Variants in ULK4 observed in about 807,000 individuals in gnomAD.
ULK4 encodes inactive serine/threonine-protein kinase ULK4.
Under a neutral mutation model 160.6 loss-of-function variants are expected in ULK4, and 133 were observed. The ratio of observed to expected loss-of-function variants is 0.83; its 90% confidence interval spans 0.72 to 0.96. The LOEUF (loss-of-function observed/expected upper bound fraction) is 0.96, where lower values mean the gene tolerates loss of function less well. Ranked by LOEUF, ULK4 falls within the 40% of genes least tolerant of loss-of-function variation. The pLI is 0.00. For missense variants in ULK4, 1,580 were observed against 1,499.5 expected (o/e 1.05, Z -0.89); for synonymous variants, 534 against 539.8 (o/e 0.99, Z 0.15).
At chr3:41,484,458 C>CT (rs369059587) in intron 32 of ULK4, among the ~76,000 whole-genome samples, 1 of 134,866 alleles carries the variant, frequency 7.4e-6, no homozygotes, top group Non-Finnish European at 1.6e-5. Context: ...CTTTCTTTTC[C>CT]TTTTTTTGTT....
At chr3:41,306,015 T>A (rs1360379642) in intron 35 of ULK4, among the ~76,000 whole-genome samples, 2 of 143,984 alleles carry the variant, frequency 1.4e-5, no homozygotes, top group Non-Finnish European at 3.0e-5. Context: ...AAGGAGCCCC[T>A]CCGCCTGGCA....
chr3:41,267,943 A>T (rs1377640735), intron 35 of ULK4, among the ~76,000 whole-genome samples: 1 of 152,204 alleles, frequency 6.6e-6, no homozygotes, highest in Non-Finnish European at 1.5e-5. Flanking sequence ...ATAGGAGTCC[A>T]ACTGTAGCTG....
chr3:41,600,850 A>C (rs1434982917), intron 31 of ULK4, among the ~76,000 whole-genome samples: 1 of 152,236 alleles, frequency 6.6e-6, no homozygotes, highest in East Asian at 1.9e-4. Context: ...AGTCACACAG[A>C]AAACTTCCAT....
At chr3:41,451,722 A>C (rs985474600) in intron 34 of ULK4, among the ~76,000 whole-genome samples, 1 of 152,130 alleles carries the variant, frequency 6.6e-6, no homozygotes, top group Non-Finnish European at 1.5e-5. Flanking sequence ...AATTTCAGGA[A>C]CTATTGGTAG....
intron 35 of ULK4, among the ~76,000 whole-genome samples, chr3:41,263,868 C>T (rs2125679270): frequency 6.6e-6 from 1 of 152,288 alleles, no homozygotes; most frequent in South Asian, 2.1e-4. Flanking sequence ...TATTGAGCAC[C>T]TATGTGTTGG....
chr3:41,525,057 T>C (rs1388972011), intron 32 of ULK4, among the ~76,000 whole-genome samples: 1 of 152,198 alleles, frequency 6.6e-6, no homozygotes, highest in African/African-American at 2.4e-5. Flanking sequence ...CTGGAAGCTA[T>C]AACAGGGTCC....
At chr3:41,689,019 G>A (rs1219481866) in intron 27 of ULK4, among the ~76,000 whole-genome samples, 1 of 152,108 alleles carries the variant, frequency 6.6e-6, no homozygotes, top group Non-Finnish European at 1.5e-5. Context: ...CCAACTTAGG[G>A]CCGACTAGAG....
chr3:41,440,085 T>G (rs1458611627), intron 34 of ULK4, among the ~76,000 whole-genome samples: 1 of 152,224 alleles, frequency 6.6e-6, no homozygotes. Flanking sequence ...ATTTAATTTC[T>G]AGTAGCTTTT....
chr3:41,600,595 C>T (rs1472127681), intron 31 of ULK4, among the ~76,000 whole-genome samples: 1 of 152,224 alleles, frequency 6.6e-6, no homozygotes, highest in Non-Finnish European at 1.5e-5. Context: ...CTGCAAATTG[C>T]AACACTTCAT....
intron 34 of ULK4, among the ~76,000 whole-genome samples, chr3:41,401,983 T>A (rs1016912600): frequency 6.6e-6 from 1 of 152,180 alleles, no homozygotes; most frequent in African/African-American, 2.4e-5. Context: ...AATCTACCCT[T>A]TTCTTTAAGC....
chr3:41,888,670 A>C (rs998147019), intron 16 of ULK4, among the ~76,000 whole-genome samples: 3 of 152,184 alleles, frequency 2.0e-5, no homozygotes, highest in African/African-American at 7.2e-5. Flanking sequence ...TCCGGGGTAA[A>C]CGTGGAAAAT....
chr3:41,430,452 G>T (rs2082879009), intron 34 of ULK4, among the ~76,000 whole-genome samples: 1 of 152,086 alleles, frequency 6.6e-6, no homozygotes, highest in Admixed American at 6.6e-5. Context: ...GCTCTGCTTC[G>T]TGTGCCTTCA....
chr3:41,364,381 ACCAGGC>A (rs2081209815), intron 35 of ULK4, among the ~76,000 whole-genome samples: 1 of 152,182 alleles, frequency 6.6e-6, no homozygotes, highest in Non-Finnish European at 1.5e-5. Flanking sequence ...CCTGCCCTCC[ACCAGGC>A]CCTGTGCTGC....
At position 41,389,308 on chromosome 3, in the gene ULK4, C is replaced by T. The variant is rs2081897429; in HGVS notation, c.3678+8771G>A. On this transcript the variant is annotated intron_variant, in intron 35 of 36. Transcript: ENST00000301831. ...AGGTTTTCTAGATATACAATCATGT[C>T]ATCTGGAAACAGGGACAATTTGACT... Among the ~76,000 whole-genome samples, 3 of 152,158 alleles carry T rather than the reference C, an allele frequency of 2.0e-5. No homozygotes were observed. The South Asian group carries it at 6.2e-4, about 32-fold the overall frequency.
intron 31 of ULK4, among the ~76,000 whole-genome samples, chr3:41,588,851 G>A (rs1056050157): frequency 6.6e-6 from 1 of 152,142 alleles, no homozygotes; most frequent in Non-Finnish European, 1.5e-5. Flanking sequence ...AATCAATGAA[G>A]TACTGAGGTC....
chr3:41,467,852 T>C (rs1313506211), intron 32 of ULK4, among the ~76,000 whole-genome samples: 1 of 152,214 alleles, frequency 6.6e-6, no homozygotes, highest in Non-Finnish European at 1.5e-5. Context: ...TGTTCTATAC[T>C]TTGATGGGGT....
intron 12 of ULK4, 67 bp downstream of exon 12, chr3:41,907,778 C>T: frequency 1.0e-6 from 1 of 1,003,802 alleles, no homozygotes; most frequent in Non-Finnish European, 1.4e-6. Flanking sequence ...ATTCATTTAC[C>T]AACTTACAAT....
At chr3:41,348,906 C>A (rs2080856881) in intron 35 of ULK4, among the ~76,000 whole-genome samples, 1 of 152,162 alleles carries the variant, frequency 6.6e-6, no homozygotes, top group East Asian at 1.9e-4. Flanking sequence ...CCCAGAGACT[C>A]CAGAGAAGTG....
chr3:41,862,186 T>C (rs997962246), intron 17 of ULK4, among the ~76,000 whole-genome samples: 1 of 151,458 alleles, frequency 6.6e-6, no homozygotes, highest in East Asian at 1.9e-4. Context: ...GACGCCAATA[T>C]ATTTTTCAGT....
Sources: gnomAD v4.1 joint callset for allele counts (sites outside exome capture counted in the v4.1 genomes callset) on GRCh38, gnomAD v4.1.1 for gene constraint, MANE v1.5 for transcripts, NCBI Gene and HGNC (gene_info 2026-07-23, HGNC 2026-07-21) for gene names.